Variants in FAT3 observed in about 807,000 individuals in gnomAD.
The protein encoded by FAT3 is protocadherin Fat 3.
Under a neutral mutation model 310.2 loss-of-function variants are expected in FAT3, and 95 were observed. The ratio of observed to expected loss-of-function variants is 0.31; its 90% CI spans 0.26 to 0.36. FAT3 has a LOEUF of 0.36. FAT3 is among the 10% of genes least tolerant of loss of function. The pLI, the probability that FAT3 is intolerant of heterozygous loss-of-function variation, is 1.00. For synonymous variants in FAT3, 2,314 were observed against 2,192.9 expected, an observed-to-expected ratio of 1.06 and a Z score of -1.54; for missense variants, 5,408 against 5,715.6, an observed-to-expected ratio of 0.95 and a Z score of 1.74.
chr11:92,741,163 T>A (rs1404264097), intron 4 of FAT3, among the ~76,000 whole-genome samples: 2 of 152,116 alleles, frequency 1.3e-5, no homozygotes, highest in African/African-American at 4.8e-5. Context: ...CACCTTAGCC[T>A]CCCCAGTAAC....
intron 3 of FAT3, among the ~76,000 whole-genome samples, chr11:92,570,029 A>G (rs1955614720): frequency 6.6e-6 from 1 of 152,040 alleles, no homozygotes; most frequent in Admixed American, 6.6e-5. Flanking sequence ...TGAAATCCAC[A>G]ATTTTGGTTG....
intron 3 of FAT3, among the ~76,000 whole-genome samples, chr11:92,544,672 C>T (rs1565399309): frequency 6.6e-6 from 1 of 152,104 alleles, no homozygotes; most frequent in Non-Finnish European, 1.5e-5. Context: ...ATGGGTGCCC[C>T]AGAGCCCTGC....
At chr11:92,313,464 A>T (rs1164478976) in intron 1 of FAT3, among the ~76,000 whole-genome samples, 1 of 152,230 alleles carries the variant, frequency 6.6e-6, no homozygotes, top group Non-Finnish European at 1.5e-5. Flanking sequence ...ACACATATAA[A>T]ACTGTGCTAC....
Position 92,893,520 on chromosome 11 carries a change from G to A in FAT3, c.*2407G>A, listed in dbSNP as rs1278252846. 6.6e-6 allele frequency: 1 copy of A among 152,180 alleles called. No individual in the cohort carries two copies. The highest frequency in any genetic ancestry group is 1.5e-5 in the Non-Finnish European group (1 of 68,034). 9.4% of individuals were successfully genotyped at this position (152,180 alleles called of 1,614,324 possible). A position where few individuals can be genotyped will look rare whatever the true frequency, so the allele number is the denominator to read the frequency against. ...ATTAGAATGAGATTAATGCTGATGAGTCCCTACTGCTTACACAGCATCTCT... is the reference window on the plus strand; with the variant it reads ...ATTAGAATGAGATTAATGCTGATGAATCCCTACTGCTTACACAGCATCTCT... On this transcript the variant is annotated 3_prime_UTR_variant, in exon 28 of 28. Transcript: ENST00000525166.
chr11:92,507,499 A>G (rs575317916), intron 2 of FAT3, among the ~76,000 whole-genome samples: 32 of 152,046 alleles, frequency 2.1e-4, no homozygotes, highest in African/African-American at 7.2e-4. Context: ...ATACACACAT[A>G]TATGTACACA....
intron 4 of FAT3, among the ~76,000 whole-genome samples, chr11:92,734,858 C>A (rs1249956104): frequency 6.6e-6 from 1 of 151,962 alleles, no homozygotes; most frequent in Non-Finnish European, 1.5e-5. Context: ...CCTGAGCCTG[C>A]AAAAAGGAGC....
chr11:92,805,314 A>G lies in FAT3; in HGVS notation c.9058A>G (p.Ser3020Gly), dbSNP rs781736150. ...VTQAMVEVSV[S>G]DVNDNSPVCD... is the part of the protein sequence containing the mutation. ...ACAGGCCATGGTGGAAGTGAGCGTC[A>G]GTGATGTGAATGACAATAGCCCAGT... Residue 3020 changes from serine to glycine, a missense_variant, in exon 11 of 28, where the codon AGT becomes GGT. Physicochemically the swap from Ser to Gly is moderately conservative, Grantham distance 56 (BLOSUM62 0). Coordinates refer to ENST00000525166, the MANE Select transcript of FAT3 (RefSeq NM_001367949.2). 6.2e-7 allele frequency: 1 copy of G among 1,613,776 alleles called. No homozygotes were observed. Among genetic ancestry groups the G allele is most frequent in the Non-Finnish European group, 8.5e-7 (1 of 1,179,804 alleles).
Position 92,234,293 on chromosome 11 carries a change from A to G in FAT3, c.-18+9119A>G, listed in dbSNP as rs372239589. Among the ~76,000 whole-genome samples the G allele has an allele frequency of 5.3e-5, 8 of 152,360 alleles. 1 individual carries two copies. The East Asian group carries it at 9.6e-4, about 18-fold the overall frequency. On this transcript the variant is annotated intron_variant, in intron 1 of 27. Coordinates refer to ENST00000525166, the MANE Select transcript of FAT3 (RefSeq NM_001367949.2). ...CAAAGAGATGCAAGAGTGTATACAT[A>G]TTGGAAATACGTTTTTGTTCAAATA...
At chr11:92,345,713 A>T (rs1439528084) in intron 1 of FAT3, among the ~76,000 whole-genome samples, 1 of 152,200 alleles carries the variant, frequency 6.6e-6, no homozygotes, top group African/African-American at 2.4e-5. Context: ...GTAGGTGCAG[A>T]TGGGTAGAGA....
chr11:92,618,281 G>T (rs1015523883), intron 3 of FAT3, among the ~76,000 whole-genome samples: 26 of 152,182 alleles, frequency 1.7e-4, no homozygotes, highest in African/African-American at 3.6e-4. Flanking sequence ...CTCTGAGCCA[G>T]GCGCGGGATA....
At chr11:92,301,866 A>G (rs1038086147) in intron 1 of FAT3, among the ~76,000 whole-genome samples, 1 of 152,014 alleles carries the variant, frequency 6.6e-6, no homozygotes, top group Non-Finnish European at 1.5e-5. Context: ...AATCCATACG[A>G]TTCCTCACCT....
chr11:92,626,459 C>T (rs151017939), intron 3 of FAT3, among the ~76,000 whole-genome samples: 2 of 150,378 alleles, frequency 1.3e-5, no homozygotes, highest in African/African-American at 2.4e-5. Context: ...TTGAAATTGG[C>T]GTAGCGTATC....
intron 2 of FAT3, among the ~76,000 whole-genome samples, chr11:92,408,560 GCA>G (rs1335185591): frequency 6.6e-6 from 1 of 152,166 alleles, no homozygotes; most frequent in Non-Finnish European, 1.5e-5. Flanking sequence ...TTAAGGCAGG[GCA>G]CAGAGTGAAC....
chr11:92,552,122 A>T (rs1954842211), intron 3 of FAT3, among the ~76,000 whole-genome samples: 1 of 152,230 alleles, frequency 6.6e-6, no homozygotes, highest in East Asian at 1.9e-4. Flanking sequence ...AATTGCTAAC[A>T]TTACAAATTG....
intron 7 of FAT3, among the ~76,000 whole-genome samples, chr11:92,780,057 G>C (rs1247720199): frequency 6.6e-6 from 1 of 151,972 alleles, no homozygotes; most frequent in Non-Finnish European, 1.5e-5. Flanking sequence ...CTTCCAGAAA[G>C]AAACACATCC....
At chr11:92,274,782 T>C (rs945776444) in intron 1 of FAT3, among the ~76,000 whole-genome samples, 1 of 152,070 alleles carries the variant, frequency 6.6e-6, no homozygotes, top group Non-Finnish European at 1.5e-5. Context: ...GAAAAGAAAA[T>C]AGAACACTGA....
At chr11:92,821,375 C>G (rs2136234982) in intron 13 of FAT3, among the ~76,000 whole-genome samples, 1 of 152,270 alleles carries the variant, frequency 6.6e-6, no homozygotes, top group South Asian at 2.1e-4. Context: ...TCTTAAGTAG[C>G]ATCTATTCTT....
chr11:92,697,545 A>G (rs2135907803), intron 4 of FAT3, 100 bp downstream of exon 4: 3 of 1,136,044 alleles, frequency 2.6e-6, no homozygotes, highest in Non-Finnish European at 4.0e-6. Context: ...TGAACAGTGG[A>G]TATCAAAGTG....
intron 3 of FAT3, among the ~76,000 whole-genome samples, chr11:92,526,216 T>C (rs746721570): frequency 6.6e-6 from 1 of 152,222 alleles, no homozygotes; most frequent in South Asian, 2.1e-4. Context: ...CCTCCAACTT[T>C]CCTGGGAAGC....
Sources: allele counts gnomAD v4.1 joint callset (sites outside exome capture counted in the v4.1 genomes callset), GRCh38; gene constraint gnomAD v4.1.1; transcripts MANE v1.5; gene names NCBI Gene and HGNC (gene_info 2026-07-23, HGNC 2026-07-21).